CENPI: variants seen among roughly 807,000 people sequenced by gnomAD.
CENPI encodes FSH primary response 1.
CENPI carries 4 observed loss-of-function variants against 60.4 expected under a neutral mutation model. The observed-to-expected ratio is 0.07, with a 90% CI of 0.03 to 0.15. The LOEUF is 0.15. Ranked by LOEUF, CENPI falls within the 10% of genes least tolerant of loss-of-function variation. CENPI has a pLI of 1.00. For missense variants in CENPI, 444 were observed against 534.5 expected (o/e 0.83, Z 1.67); for synonymous variants, 157 against 189.4 (o/e 0.83, Z 1.40).
chrX:101,130,115 C>T, intron 13 of CENPI, 42 bp downstream of exon 13: 1 of 960,924 alleles, frequency 1.0e-6, no homozygotes. Flanking sequence ...CCACTCTTTA[C>T]TAAAATTTAT....
chrX:101,139,904 G>T (rs1369385848), intron 15 of CENPI, among the ~76,000 whole-genome samples: 2 of 103,561 alleles, frequency 1.9e-5, no homozygotes, highest in Non-Finnish European at 3.9e-5. Flanking sequence ...GCACGATCTT[G>T]GCTCACTGCA....
intron 20 of CENPI, 89 bp downstream of exon 20, chrX:101,148,250 T>A: frequency 1.3e-6 from 1 of 771,025 alleles, no homozygotes; most frequent in Non-Finnish European, 1.9e-6. Flanking sequence ...GTGTCTGAAT[T>A]GTAAGACGTG....
intron 6 of CENPI, among the ~76,000 whole-genome samples, chrX:101,119,607 C>G (rs1415699751): frequency 9.0e-6 from 1 of 111,394 alleles, no homozygotes; most frequent in East Asian, 2.8e-4. Context: ...GTTTCCTGAC[C>G]CCTGATCTAG....
rs1776752175 is a variant in CENPI, at chrX:101,163,879, CA to C, written c.*918del. Among the ~76,000 whole-genome samples, 1 of 111,082 alleles carries C rather than the reference CA, an allele frequency of 9.0e-6. No individual in the cohort carries two copies. Among genetic ancestry groups the C allele is most frequent in the Admixed American group, 9.5e-5 (1 of 10,476 alleles). On this transcript the variant is annotated 3_prime_UTR_variant, in exon 22 of 22. Coordinates refer to ENST00000682095, the MANE Select transcript of CENPI (RefSeq NM_001386188.2). ...TAAAACCCTGTCTCTACTAAAAATACAAAAAATTGGCCGGGCATGCCGGCAC... is the reference window on the plus strand; with the variant it reads ...TAAAACCCTGTCTCTACTAAAAATACAAAAATTGGCCGGGCATGCCGGCAC...
chrX:101,154,139 C>G (rs761117136), intron 20 of CENPI, among the ~76,000 whole-genome samples: 53 of 111,899 alleles, frequency 4.7e-4, no homozygotes, highest in Non-Finnish European at 8.3e-4. Context: ...CTGTCTTGAT[C>G]CGTATAGCTT....
At chrX:101,139,050 A>C (rs1228168946) in intron 15 of CENPI, among the ~76,000 whole-genome samples, 1 of 100,197 alleles carries the variant, frequency 1.0e-5, no homozygotes, top group Non-Finnish European at 2.0e-5. Flanking sequence ...CGGCCTCCCA[A>C]AGTGCTGGGA....
intron 4 of CENPI, among the ~76,000 whole-genome samples, chrX:101,103,571 C>G (rs2089448174): frequency 9.1e-6 from 1 of 109,726 alleles, no homozygotes. Context: ...GAACTCCCGA[C>G]CTCAGGTGAT....
rs369078941 is a variant in CENPI at position 101,120,790 on chromosome X, T to C, written c.687+6T>C. 8.3e-7 allele frequency: 1 copy of C among 1,197,780 alleles called. No individual in the cohort carries two copies. The highest frequency in any genetic ancestry group is 1.1e-6 in the Non-Finnish European group (1 of 885,764). On this transcript the variant is annotated splice_donor_region_variant and intron_variant, in intron 8 of 21. Transcript: ENST00000682095. ...TTGATCTTCAGGCCAAAATGGTGAG[T>C]ACTGAAAAGACCTAAGACCTGCCAA... is the stretch of plus-strand genomic sequence containing the variant.
rs1233689711 is a variant in CENPI at position 101,162,965 on chromosome X, T to TA, written c.*1dup. ...AEGINCNNQY[*] ...GGGCATAAACTGCAACAATCAATAT[T>TA]AAATGAATGTTGACATAAACTGAAC... Residue 757 remains the stop codon, a frameshift_variant and stop_retained_variant, in exon 22 of 22, where the codon TAA becomes TAAA. Coordinates refer to ENST00000682095, the MANE Select transcript of CENPI (RefSeq NM_001386188.2). LOFTEE classifies it high-confidence loss of function. 1 of 1,205,545 alleles carries TA rather than the reference T, an allele frequency of 8.3e-7. No homozygotes were observed.
chrX:101,179,772 G>A, the CENPI span, among the ~76,000 whole-genome samples: 2 of 112,235 alleles, frequency 1.8e-5, no homozygotes, highest in East Asian at 2.8e-4. Context: ...TGCCCGCCTC[G>A]GCCTCCCAAA....
At chrX:101,148,996 T>G (rs2148238718) in intron 20 of CENPI, among the ~76,000 whole-genome samples, 1 of 111,139 alleles carries the variant, frequency 9.0e-6, no homozygotes, top group South Asian at 3.8e-4. Flanking sequence ...AACAGACATC[T>G]TAGAAAAAAC....
downstream of CENPI, among the ~76,000 whole-genome samples, chrX:101,169,935 G>A: frequency 9.8e-6 from 1 of 101,623 alleles, no homozygotes; most frequent in East Asian, 3.2e-4. Flanking sequence ...TGTGTTCTAA[G>A]TGTTATTACA....
chrX:101,139,828 T>G (rs987095926), intron 15 of CENPI, among the ~76,000 whole-genome samples: 3 of 88,577 alleles, frequency 3.4e-5, no homozygotes, highest in East Asian at 3.0e-4. Flanking sequence ...ATGTTTTTTT[T>G]TTTTTGTTTT....
At chrX:101,160,366 C>CTTT (rs2090096145) in intron 20 of CENPI, among the ~76,000 whole-genome samples, 1 of 98,667 alleles carries the variant, frequency 1.0e-5, no homozygotes, top group Non-Finnish European at 2.0e-5. Flanking sequence ...GCACCCTTAG[C>CTTT]TTTTAGTTCT....
chrX:101,100,178 C>G (rs972570625), intron 2 of CENPI: 2 of 111,147 alleles, frequency 1.8e-5, no homozygotes, highest in African/African-American at 6.5e-5. Context: ...TATTTTATCC[C>G]TGGTAACTAG....
intron 4 of CENPI, among the ~76,000 whole-genome samples, 161 bp downstream of exon 4, chrX:101,102,572 G>A (rs1401131298): frequency 9.3e-6 from 1 of 107,551 alleles, no homozygotes; most frequent in African/African-American, 3.4e-5. Context: ...TATTGCCCAG[G>A]TTGGTCTCGA....
At chrX:101,108,034 C>T (rs953024491) in intron 4 of CENPI, among the ~76,000 whole-genome samples, 1 of 109,794 alleles carries the variant, frequency 9.1e-6, no homozygotes, top group African/African-American at 3.3e-5. Flanking sequence ...GAATTACAGG[C>T]GTGAGCTACT....
chrX:101,144,982 G>T, intron 16 of CENPI, 82 bp from the exon 17 acceptor site: 1 of 809,919 alleles, frequency 1.2e-6, no homozygotes, highest in Non-Finnish European at 1.7e-6. Context: ...CCAACATTTT[G>T]CTTTATATTA....
In CENPI at chrX:101,120,780, A is replaced by G. The variant is rs2089669006; in HGVS notation, c.683A>G (p.Lys228Arg). The G allele has an allele frequency of 8.3e-7, 1 of 1,207,340 alleles. No individual in the cohort carries two copies. The highest frequency in any genetic ancestry group is 3.0e-5 in the East Asian group (1 of 33,815). ...RVRKLLDLQAKMGMQPHLQAL... is the reference protein window; with the variant it reads ...RVRKLLDLQARMGMQPHLQAL... ...AGAAAACTGCTTGATCTTCAGGCCA[A>G]AATGGTGAGTACTGAAAAGACCTAA... is the stretch of plus-strand genomic sequence containing the variant. Residue 228 changes from lysine (K) to arginine (R), a missense_variant, in exon 8 of 22, where the codon AAA becomes AGA. Physicochemically the swap from Lys to Arg is conservative, Grantham distance 26. Transcript: ENST00000682095.
Sources: allele counts gnomAD v4.1 joint callset (sites outside exome capture counted in the v4.1 genomes callset), GRCh38; gene constraint gnomAD v4.1.1; transcripts MANE v1.5; gene names NCBI Gene and HGNC (gene_info 2026-07-23, HGNC 2026-07-21).